Variants in PDGFRL observed in about 807,000 individuals in gnomAD.
PDGFRL encodes the protein platelet derived growth factor receptor like, also known as platelet-derived growth factor receptor-like protein.
A neutral mutation model predicts 37.2 loss-of-function variants in PDGFRL; 46 were observed. The observed-to-expected ratio is 1.24, with a 90% CI of 0.98 to 1.58. The LOEUF (loss-of-function observed/expected upper bound fraction) is 1.58, where lower values mean the gene tolerates loss of function less well. Among genes scored for constraint, PDGFRL ranks in the 40% most tolerant of loss-of-function variants. The pLI is 0.00. For synonymous variants in PDGFRL, 251 were observed against 184.3 expected (o/e 1.36, Z -2.93); for missense variants, 692 against 467.6 (o/e 1.48, Z -4.43).
chr8:17,619,242 T>G (rs557983862), intron 2 of PDGFRL, among the ~76,000 whole-genome samples: 6 of 152,168 alleles, frequency 3.9e-5, no homozygotes, highest in Non-Finnish European at 7.4e-5. Context: ...GGCGCCCCCA[T>G]GTGCTGAGGC....
chr8:17,589,603 C>T lies in PDGFRL; in HGVS notation c.191C>T (p.Thr64Met), dbSNP rs765442768. The change falls in exon 2 of 6, where the codon ACG (threonine) becomes ATG (methionine). Residue 64 changes from threonine (T) to methionine (M), a missense_variant. Physicochemically the swap from Thr to Met is moderately conservative, Grantham distance 81 (BLOSUM62 -1). Transcript: ENST00000251630. ...DRDSANSAPK[T>M]QSIMMQVLDK... ...GACTCAGCCAATTCAGCACCAAAGA[C>T]GCAGTCTATCATGATGCAAGTGCTG... The T allele has an allele frequency of 3.9e-5, 63 of 1,613,820 alleles. No individual in the cohort carries two copies. Among genetic ancestry groups the T allele is most frequent in the Admixed American group, 3.8e-4 (23 of 59,996 alleles).
intron 2 of PDGFRL, among the ~76,000 whole-genome samples, chr8:17,610,133 G>A (rs1352128413): frequency 6.6e-6 from 1 of 152,196 alleles, no homozygotes; most frequent in Non-Finnish European, 1.5e-5. Flanking sequence ...CTCCTAGCAA[G>A]GGTGGCAGAG....
chr8:17,630,970 C>T (rs866948152), intron 4 of PDGFRL, among the ~76,000 whole-genome samples: 10 of 152,200 alleles, frequency 6.6e-5, no homozygotes, highest in Admixed American at 2.6e-4. Flanking sequence ...TCTGTGTCTA[C>T]CTGATCACCT....
intron 1 of PDGFRL, among the ~76,000 whole-genome samples, chr8:17,581,532 G>T (rs1434947754): frequency 6.6e-6 from 1 of 152,166 alleles, no homozygotes; most frequent in Non-Finnish European, 1.5e-5. Flanking sequence ...GGTGGTGGTG[G>T]GAGGTAGGGC....
At chr8:17,596,030 G>A (rs2720475) in intron 2 of PDGFRL, among the ~76,000 whole-genome samples, 123,438 of 152,042 alleles carry the variant, frequency 0.81, 54,822 homozygotes, top group Non-Finnish European at 0.99. Context: ...GAGGTGGGTG[G>A]GGCCTCCACA....
At chr8:17,615,555 G>A (rs78123276) in intron 2 of PDGFRL, among the ~76,000 whole-genome samples, 2,628 of 152,216 alleles carry the variant, frequency 0.017, 38 homozygotes, top group Non-Finnish European at 0.029. Flanking sequence ...CAGTAAAAGG[G>A]GAAAAATAGT....
intron 2 of PDGFRL, among the ~76,000 whole-genome samples, chr8:17,605,868 C>G (rs1804264949): frequency 6.6e-6 from 1 of 152,132 alleles, no homozygotes; most frequent in Non-Finnish European, 1.5e-5. Flanking sequence ...TGATGGCTGG[C>G]TCCTCGGAAA....
Position 17,605,255 on chromosome 8 carries a change from C to G in PDGFRL, c.353+15490C>G, listed in dbSNP as rs1585313093. 3.3e-5 allele frequency among the ~76,000 whole-genome samples: 5 copies of G among 152,326 alleles called. No homozygotes were observed. In the South Asian group the frequency reaches 6.2e-4, roughly 19 times the overall value. ...ATTGCCTTCAGAAGAAAGACAATGT[C>G]TCTTCCTGTGTCAGTTGCCTCCATC... On this transcript the variant is annotated intron_variant, in intron 2 of 5. Transcript: ENST00000251630.
intron 5 of PDGFRL, among the ~76,000 whole-genome samples, chr8:17,636,440 C>A (rs1804970756): frequency 6.6e-6 from 1 of 152,076 alleles, no homozygotes; most frequent in Admixed American, 6.6e-5. Flanking sequence ...GGGTTTATTT[C>A]TGGGTTCTCT....
chr8:17,620,991 C>T, intron 2 of PDGFRL, 60 bp from the exon 3 acceptor site: 1 of 1,361,684 alleles, frequency 7.3e-7, no homozygotes, highest in South Asian at 1.5e-5. Context: ...CCGAGTGTGA[C>T]AGCTGGAGGG....
chr8:17,631,738 A>T (rs1318149237), intron 4 of PDGFRL, among the ~76,000 whole-genome samples: 1 of 151,432 alleles, frequency 6.6e-6, no homozygotes, highest in African/African-American at 2.4e-5. Context: ...CCTGGATTCC[A>T]CCTCACCTGC....
intron 3 of PDGFRL, among the ~76,000 whole-genome samples, chr8:17,627,430 C>A (rs1027044690): frequency 1.3e-5 from 2 of 150,880 alleles, no homozygotes; most frequent in Non-Finnish European, 2.9e-5. Flanking sequence ...TTCAAATGAG[C>A]TTTAACACAT....
At position 17,593,545 on chromosome 8, in the gene PDGFRL, C is replaced by A. The variant is rs145333458; in HGVS notation, c.353+3780C>A. ...CCCAGGAAGTCAACGCTGCAGTGAG[C>A]CGTGATCATACCACTATATTCCAAC... On this transcript the variant is annotated intron_variant, in intron 2 of 5. Transcript: ENST00000251630. Among the ~76,000 whole-genome samples the A allele has an allele frequency of 5.3e-3, 799 of 151,504 alleles. 8 individuals are homozygous for A. Among genetic ancestry groups the A allele is most frequent in the African/African-American group, 0.018 (761 of 41,266 alleles).
At chr8:17,619,843 G>C (rs1243108771) in intron 2 of PDGFRL, among the ~76,000 whole-genome samples, 2 of 152,196 alleles carry the variant, frequency 1.3e-5, no homozygotes, top group Non-Finnish European at 2.9e-5. Context: ...TTTACTTAAG[G>C]AAACCGCAGG....
Position 17,634,344 on chromosome 8 carries a change from C to A in PDGFRL, c.939+131C>A, listed in dbSNP as rs549494694. 7.4e-6 allele frequency: 5 copies of A among 675,318 alleles called. No homozygotes were observed. The South Asian group carries it at 1.1e-4, about 15-fold the overall frequency. 41.8% of individuals were successfully genotyped at this position (675,318 alleles called of 1,614,324 possible). Reference sequence around the variant, plus strand: ...TCAGAAGTGCAAGAAACATGTGGGGCTATGTTGGGGGCCAGGTATTGTTTG... The same window carrying A: ...TCAGAAGTGCAAGAAACATGTGGGGATATGTTGGGGGCCAGGTATTGTTTG... On this transcript the variant is annotated intron_variant, in intron 5 of 5. Transcript: ENST00000251630.
chr8:17,618,567 G>C (rs1804573570), intron 2 of PDGFRL, among the ~76,000 whole-genome samples: 2 of 152,166 alleles, frequency 1.3e-5, no homozygotes, highest in Non-Finnish European at 2.9e-5. Context: ...ATTGACTTAA[G>C]GAAGACTTGC....
intron 5 of PDGFRL, among the ~76,000 whole-genome samples, chr8:17,637,481 T>C (rs1034715557): frequency 1.3e-5 from 2 of 152,228 alleles, no homozygotes; most frequent in Non-Finnish European, 2.9e-5. Flanking sequence ...TAGTATTTTG[T>C]TAAGGATTTT....
At position 17,629,984 on chromosome 8, in the gene PDGFRL, G is replaced by C. The variant is rs373879524; in HGVS notation, c.799+1204G>C. On this transcript the variant is annotated intron_variant, in intron 4 of 5. Coordinates refer to ENST00000251630, the MANE Select transcript of PDGFRL (RefSeq NM_001372073.1). ...CCACACCCGGCACGCCCTCCTCTCT[G>C]TACTCCCCTCTCCTGTCCAGGAAAG... 2.5e-4 allele frequency among the ~76,000 whole-genome samples: 38 copies of C among 152,136 alleles called. No individual in the cohort carries two copies. The East Asian group carries it at 5.6e-3, about 22-fold the overall frequency.
At chr8:17,606,868 G>A (rs1438671874) in intron 2 of PDGFRL, among the ~76,000 whole-genome samples, 1 of 148,192 alleles carries the variant, frequency 6.7e-6, no homozygotes, top group Non-Finnish European at 1.5e-5. Context: ...ATAAGAAACA[G>A]CCAGTTTTTC....
Sources: allele counts gnomAD v4.1 joint callset (sites outside exome capture counted in the v4.1 genomes callset), GRCh38; gene constraint gnomAD v4.1.1; transcripts MANE v1.5; gene names NCBI Gene and HGNC (gene_info 2026-07-23, HGNC 2026-07-21).